Variants in NDFIP1 observed in about 807,000 individuals in gnomAD.
The protein encoded by NDFIP1 is NEDD4 family-interacting protein 1.
NDFIP1 carries 7 observed loss-of-function variants against 28.8 expected under a neutral mutation model. That is an observed-to-expected ratio of 0.24 (90% CI 0.14 to 0.46). The LOEUF (loss-of-function observed/expected upper bound fraction) is 0.46. NDFIP1 is among the 20% of genes least tolerant of loss of function. The probability of loss-of-function intolerance (pLI) is 0.99; values close to 1 mark genes in which losing one functional copy is unlikely to be tolerated. For missense variants in NDFIP1, 194 were observed against 269.1 expected (o/e 0.72, Z 1.95); for synonymous variants, 92 against 101.0 (o/e 0.91, Z 0.53).
intron 1 of NDFIP1, among the ~76,000 whole-genome samples, chr5:142,111,706 A>C (rs75644039): frequency 0.087 from 13,298 of 152,234 alleles, 757 homozygotes; most frequent in African/African-American, 0.16. Context: ...TTTTGTCTTT[A>C]TGGTCTTTTT....
intron 1 of NDFIP1, among the ~76,000 whole-genome samples, chr5:142,110,287 GC>G (rs1757000676): frequency 6.6e-6 from 1 of 152,146 alleles, no homozygotes; most frequent in African/African-American, 2.4e-5. Context: ...TCTAGCACAT[GC>G]TTTTTTTCTA....
chr5:142,143,997 T>G (rs1396131500), intron 6 of NDFIP1: 3 of 16,224 alleles, frequency 1.8e-4, no homozygotes. Context: ...TGTCTGTTAA[T>G]AATAATAATA....
At chr5:142,139,094 C>T (rs1004834815) in intron 5 of NDFIP1, among the ~76,000 whole-genome samples, 2 of 151,824 alleles carry the variant, frequency 1.3e-5, no homozygotes, top group South Asian at 4.2e-4. Flanking sequence ...GTAGCGGGGG[C>T]CTGTAGTCCC....
chr5:142,115,967 T>C (rs1757063200), intron 1 of NDFIP1, among the ~76,000 whole-genome samples: 1 of 152,216 alleles, frequency 6.6e-6, no homozygotes, highest in Admixed American at 6.5e-5. Context: ...TAAGTAAAGA[T>C]GATTTAAAGT....
intron 3 of NDFIP1, among the ~76,000 whole-genome samples, chr5:142,133,040 T>G (rs541156753): frequency 1.2e-4 from 18 of 152,250 alleles, no homozygotes; most frequent in Non-Finnish European, 2.5e-4. Flanking sequence ...GCCTCTAGGC[T>G]CTATTCTAGC....
In NDFIP1 at chr5:142,132,682, G is replaced by A. The variant is rs192432475; in HGVS notation, c.282+340G>A. 1.1e-3 allele frequency among the ~76,000 whole-genome samples: 167 copies of A among 152,294 alleles called. 1 individual carries two copies. Among genetic ancestry groups the A allele is most frequent in the South Asian group, 2.5e-3 (12 of 4,816 alleles). ...TGCTGTTGGGTGGATAGCTGCTAGG[G>A]AGGTCTAGGAAGAGAATAAATATAT... On this transcript the variant is annotated intron_variant, in intron 3 of 7. Transcript: ENST00000253814.
rs954073902 is a variant in NDFIP1 at position 142,153,973 on chromosome 5, G to A, written c.*2245G>A. Reference sequence around the variant, plus strand: ...ACGCTTTAAAATACCTAGTTAAGAGGATGATTTCTCTTTAATCGTTTAAAT... The same window carrying A: ...ACGCTTTAAAATACCTAGTTAAGAGAATGATTTCTCTTTAATCGTTTAAAT... On this transcript the variant is annotated 3_prime_UTR_variant, in exon 8 of 8. Transcript: ENST00000253814. 1 of 152,326 alleles carries A rather than the reference G, an allele frequency of 6.6e-6. No individual in the cohort carries two copies. The highest frequency in any genetic ancestry group is 1.5e-5 in the Non-Finnish European group (1 of 68,100). The allele number at this position is 152,326 out of a possible 1,614,324, so 9.4% of individuals were successfully genotyped here.
rs73794434 is a variant in NDFIP1, at chr5:142,119,768, G to A, written c.63+10731G>A. Among the ~76,000 whole-genome samples the A allele has an allele frequency of 4.4e-3, 675 of 152,226 alleles. 7 individuals are homozygous for A. The highest frequency in any genetic ancestry group is 0.016 in the African/African-American group (653 of 41,552). ...ATTTTAAACTTAGAGAAGGTTGCAA[G>A]AATAGTATAACATAACACTCATATA... On this transcript the variant is annotated intron_variant, in intron 1 of 7. Transcript: ENST00000253814.
At chr5:142,132,191 G>A (rs767194926) in intron 2 of NDFIP1, 21 bp from the exon 3 acceptor site, 2 of 1,603,602 alleles carry the variant, frequency 1.2e-6, no homozygotes, top group Non-Finnish European at 1.7e-6. Flanking sequence ...TCAAAAAATT[G>A]TGACTGTTAA....
chr5:142,142,940 A>AAAATATATATATATATAT (rs60076432), intron 6 of NDFIP1: 1 of 38,148 alleles, frequency 2.6e-5, no homozygotes, highest in African/African-American at 1.3e-4. Flanking sequence ...AAAAAAAAAA[A>AAAATATATATATATATAT]ATATATATAT....
chr5:142,128,159 C>T (rs1757189297), intron 1 of NDFIP1, among the ~76,000 whole-genome samples: 1 of 152,112 alleles, frequency 6.6e-6, no homozygotes, highest in Non-Finnish European at 1.5e-5. Context: ...CTGAGTATCC[C>T]CTACAACCCA....
intron 1 of NDFIP1, among the ~76,000 whole-genome samples, chr5:142,120,692 A>C (rs955226457): frequency 1.4e-3 from 211 of 152,374 alleles, no homozygotes; most frequent in African/African-American, 4.8e-3. Context: ...CAAAAACACC[A>C]GCCATGTCAC....
At chr5:142,145,401 A>G (rs1342182203) in intron 7 of NDFIP1, among the ~76,000 whole-genome samples, 1 of 152,122 alleles carries the variant, frequency 6.6e-6, no homozygotes, top group African/African-American at 2.4e-5. Flanking sequence ...AGAGTACACC[A>G]GAGAGAGCTC....
At chr5:142,120,839 A>G (rs913267109) in intron 1 of NDFIP1, among the ~76,000 whole-genome samples, 1 of 152,216 alleles carries the variant, frequency 6.6e-6, no homozygotes, top group African/African-American at 2.4e-5. Context: ...TAAATGCTTG[A>G]TGCACCTACT....
intron 1 of NDFIP1, among the ~76,000 whole-genome samples, chr5:142,125,194 C>A (rs1025617553): frequency 2.6e-5 from 4 of 151,914 alleles, no homozygotes; most frequent in Admixed American, 2.6e-4. Flanking sequence ...AATAATATTT[C>A]ATTGTACAGA....
intron 6 of NDFIP1, 82 bp from the exon 7 acceptor site, chr5:142,144,489 C>A: frequency 1.1e-6 from 1 of 951,378 alleles, no homozygotes; most frequent in Non-Finnish European, 1.6e-6. Context: ...AACAATGTAT[C>A]GCTATCAGGA....
chr5:142,131,232 A>T (rs561887922), intron 1 of NDFIP1, among the ~76,000 whole-genome samples: 10 of 152,154 alleles, frequency 6.6e-5, no homozygotes, highest in Admixed American at 2.6e-4. Context: ...GGCCTCCCAG[A>T]GTGCTAGGAT....
At chr5:142,129,886 G>T (rs1757208577) in intron 1 of NDFIP1, among the ~76,000 whole-genome samples, 1 of 147,980 alleles carries the variant, frequency 6.8e-6, no homozygotes, top group Admixed American at 6.8e-5. Flanking sequence ...TCTCCAGCCT[G>T]GGCAACAAAA....
At chr5:142,119,596 A>G (rs1757102620) in intron 1 of NDFIP1, among the ~76,000 whole-genome samples, 1 of 152,178 alleles carries the variant, frequency 6.6e-6, no homozygotes, top group African/African-American at 2.4e-5. Context: ...ATTTTCACAA[A>G]TGCATAGTGT....
Sources: gnomAD v4.1 joint callset for allele counts (sites outside exome capture counted in the v4.1 genomes callset) on GRCh38, gnomAD v4.1.1 for gene constraint, MANE v1.5 for transcripts, NCBI Gene and HGNC (gene_info 2026-07-23, HGNC 2026-07-21) for gene names.